GC: variants seen among roughly 807,000 people sequenced by gnomAD.
GC encodes the protein vitamin D-binding protein.
A neutral mutation model predicts 56.7 loss-of-function variants in GC; 43 were observed. That is an observed-to-expected ratio of 0.76 (90% CI 0.59 to 0.98). GC has a LOEUF of 0.98. GC is among the 50% of genes least tolerant of loss of function. GC has a pLI of 0.00. For synonymous variants in GC, 216 were observed against 202.7 expected (o/e 1.07, Z -0.56); for missense variants, 529 against 545.9 (o/e 0.97, Z 0.31).
exon 1 of GC, chr4:71,803,987 G>A (rs1453187036): frequency 6.2e-6 from 8 of 1,294,210 alleles, no homozygotes; most frequent in Non-Finnish European, 8.6e-6. Context: ...ACCAGTGGTA[G>A]AATAGGTAGA....
At chr4:71,750,373 G>C (rs1345303635) in intron 11 of GC, among the ~76,000 whole-genome samples, 1 of 152,102 alleles carries the variant, frequency 6.6e-6, no homozygotes, top group Non-Finnish European at 1.5e-5. Context: ...TTTAAATGGA[G>C]GCTGAATGCA....
intron 1 of GC, among the ~76,000 whole-genome samples, chr4:71,770,275 G>A (rs1560702743): frequency 6.6e-6 from 1 of 152,126 alleles, no homozygotes; most frequent in Non-Finnish European, 1.5e-5. Context: ...GCAAGAGAGC[G>A]AGCTGGCTAG....
rs112239216 is a variant in GC at position 71,768,300 on chromosome 4, C to A, written c.261+1G>T. On this transcript the variant is annotated splice_donor_variant, in intron 3 of 12. Coordinates refer to ENST00000273951, the MANE Select transcript of GC (RefSeq NM_000583.4). LOFTEE classifies it high-confidence loss of function. ...AGAGACGGCCAGCCACAGAAACCTA[C>A]CCTGGTGTCATAGCAGTCAGGGTCA... The A allele has an allele frequency of 6.2e-7, 1 of 1,603,064 alleles. No individual in the cohort carries two copies. Among genetic ancestry groups the A allele is most frequent in the Non-Finnish European group, 8.5e-7 (1 of 1,174,070 alleles).
chr4:71,803,979 C>G (rs1288206210), exon 1 of GC: 1 of 1,403,254 alleles, frequency 7.1e-7, no homozygotes. Flanking sequence ...AGATCATCAC[C>G]AGTGGTAGAA....
intron 11 of GC, among the ~76,000 whole-genome samples, chr4:71,749,122 A>C (rs1741467763): frequency 6.6e-6 from 1 of 152,192 alleles, no homozygotes; most frequent in South Asian, 2.1e-4. Context: ...CAGAGGGCTA[A>C]TTGAAATAGC....
intron 1 of GC, among the ~76,000 whole-genome samples, chr4:71,797,871 G>GT (rs1266567727): frequency 6.6e-6 from 1 of 152,176 alleles, no homozygotes; most frequent in Non-Finnish European, 1.5e-5. Flanking sequence ...TAAGTCAATG[G>GT]TTTTTTAAAA....
At chr4:71,752,362 T>G (rs1741583406) in intron 11 of GC, among the ~76,000 whole-genome samples, 156 bp downstream of exon 11, 1 of 152,224 alleles carries the variant, frequency 6.6e-6, no homozygotes, top group South Asian at 2.1e-4. Flanking sequence ...TCAGTTATGT[T>G]TCTTACTTTC....
chr4:71,748,237 T>C (rs189480735), intron 11 of GC, among the ~76,000 whole-genome samples: 1 of 152,252 alleles, frequency 6.6e-6, no homozygotes, highest in East Asian at 1.9e-4. Flanking sequence ...TAATCAATGA[T>C]AGCTATGACA....
chr4:71,803,457 A>G (rs992528121), intron 1 of GC, among the ~76,000 whole-genome samples: 2 of 152,130 alleles, frequency 1.3e-5, no homozygotes, highest in Admixed American at 1.3e-4. Flanking sequence ...AATGATGATA[A>G]ATAACTTTAC....
chr4:71,804,047 G>A, upstream of GC: 1 of 776,898 alleles, frequency 1.3e-6, no homozygotes, highest in Non-Finnish European at 2.2e-6. Flanking sequence ...ACAGTGAAAA[G>A]AGCATCAACG....
intron 3 of GC, among the ~76,000 whole-genome samples, chr4:71,766,513 T>C (rs1328586030): frequency 6.6e-6 from 1 of 152,110 alleles, no homozygotes; most frequent in Admixed American, 6.6e-5. Flanking sequence ...AGAATAGAAA[T>C]AGTCATCATG....
In GC at chr4:71,756,827, C is replaced by T. The variant is rs1578288368; in HGVS notation, c.919G>A (p.Asp307Asn). ...ATGAAGTAAGTGCACACAAAAACGT[C>T]CATGGCTGTTTTTTCTTGACAACAG... The part of the protein sequence containing the change: ...EDCCQEKTAM[D>N]VFVCTYFMPA... The change falls in exon 8 of 13, where the codon GAC (aspartate) becomes AAC (asparagine). Residue 307 changes from aspartate (D) to asparagine (N), a missense_variant. Asp to Asn is a conservative substitution (Grantham distance 23, BLOSUM62 1). Coordinates refer to ENST00000273951, the MANE Select transcript of GC (RefSeq NM_000583.4). 1 of 1,613,208 alleles carries T rather than the reference C, an allele frequency of 6.2e-7. No individual in the cohort carries two copies. Among genetic ancestry groups the T allele is most frequent in the Non-Finnish European group, 8.5e-7 (1 of 1,179,200 alleles).
At chr4:71,775,285 G>T (rs1160397453) in intron 1 of GC, among the ~76,000 whole-genome samples, 2 of 151,794 alleles carry the variant, frequency 1.3e-5, no homozygotes, top group African/African-American at 4.8e-5. Flanking sequence ...TTAGGTCCTG[G>T]ATGCCTGGCA....
At chr4:71,762,558 T>A (rs1324505914) in intron 6 of GC, among the ~76,000 whole-genome samples, 1 of 152,204 alleles carries the variant, frequency 6.6e-6, no homozygotes, top group Admixed American at 6.5e-5. Flanking sequence ...AGGGGTGGGA[T>A]GATATGGTTT....
chr4:71,768,503 C>T (rs142494829), intron 2 of GC, 70 bp from the exon 3 acceptor site: 2 of 1,393,440 alleles, frequency 1.4e-6, no homozygotes, highest in African/African-American at 1.4e-5. Context: ...GAGTCTCGCT[C>T]TGTTACCCAG....
chr4:71,790,148 C>T lies in GC; in HGVS notation c.22-6094G>A, dbSNP rs111663360. 1.8e-4 allele frequency among the ~76,000 whole-genome samples: 27 copies of T among 152,022 alleles called. 2 individuals are homozygous for T. Among genetic ancestry groups the T allele is most frequent in the African/African-American group, 6.3e-4 (26 of 41,502 alleles). On this transcript the variant is annotated intron_variant, in intron 1 of 13. Coordinates refer to the GC transcript ENST00000504199. The stretch of plus-strand genomic sequence containing the variant: ...CTTTATCTATGATAATACTTTGTCT[C>T]GAAATCTGTTTTGTCTAATACTATT...
upstream of GC, among the ~76,000 whole-genome samples, chr4:71,787,299 G>A (rs377063576): frequency 6.6e-6 from 1 of 151,878 alleles, no homozygotes; most frequent in Non-Finnish European, 1.5e-5. Context: ...TGCTGTGTAT[G>A]TACATTAAAA....
At chr4:71,751,997 A>G (rs1235977222) in intron 11 of GC, among the ~76,000 whole-genome samples, 5 of 152,044 alleles carry the variant, frequency 3.3e-5, no homozygotes, top group Admixed American at 3.3e-4. Context: ...TATTTTTATA[A>G]TTAACATATT....
chr4:71,788,636 C>A, upstream of GC, among the ~76,000 whole-genome samples: 2 of 145,648 alleles, frequency 1.4e-5, no homozygotes, highest in African/African-American at 2.5e-5. Flanking sequence ...TTATCTTCTG[C>A]TTGAAAAAAA....
Sources: gnomAD v4.1 joint callset for allele counts (sites outside exome capture counted in the v4.1 genomes callset) on GRCh38, gnomAD v4.1.1 for gene constraint, MANE v1.5 for transcripts, NCBI Gene and HGNC (gene_info 2026-07-23, HGNC 2026-07-21) for gene names.